The following MDGA2 variants were observed in gnomAD, a reference collection of about 807,000 sequenced individuals.
MDGA2 encodes MAM domain-containing glycosylphosphatidylinositol anchor protein 2.
MDGA2 carries 40 observed loss-of-function variants against 117.8 expected under a neutral mutation model. The observed-to-expected ratio is 0.34, with a 90% CI of 0.26 to 0.44. The LOEUF is 0.44. Among genes scored for constraint, MDGA2 ranks in the 20% least tolerant of loss-of-function variants. MDGA2 has a pLI of 1.00. For missense variants in MDGA2, 1,123 were observed against 1,250.6 expected (o/e 0.90, Z 1.54); for synonymous variants, 452 against 439.0 (o/e 1.03, Z -0.37).
chr14:47,026,227 T>A (rs1888468590), intron 8 of MDGA2, among the ~76,000 whole-genome samples: 1 of 152,150 alleles, frequency 6.6e-6, no homozygotes, highest in South Asian at 2.1e-4. Flanking sequence ...GATTAAACAC[T>A]CTAGTAAATG....
intron 1 of MDGA2, among the ~76,000 whole-genome samples, chr14:47,426,209 T>A (rs1713454860): frequency 6.6e-6 from 1 of 152,142 alleles, no homozygotes; most frequent in Non-Finnish European, 1.5e-5. Context: ...TGCCCACTAA[T>A]TCTGCCTCCT....
intron 1 of MDGA2, among the ~76,000 whole-genome samples, chr14:47,438,898 G>A (rs1892948221): frequency 6.6e-6 from 1 of 152,092 alleles, no homozygotes; most frequent in Non-Finnish European, 1.5e-5. Flanking sequence ...ACTGCCTTAG[G>A]AACAAGCATA....
intron 1 of MDGA2, among the ~76,000 whole-genome samples, chr14:47,416,117 A>G (rs1892470404): frequency 6.6e-6 from 1 of 152,174 alleles, no homozygotes; most frequent in Admixed American, 6.6e-5. Context: ...GTCAACTCAC[A>G]AACCTAAGTT....
chr14:47,494,830 T>G (rs1894245776), intron 1 of MDGA2, among the ~76,000 whole-genome samples: 1 of 151,022 alleles, frequency 6.6e-6, no homozygotes, highest in Non-Finnish European at 1.5e-5. Flanking sequence ...CAGTTGGCTG[T>G]AGGTATGAAG....
chr14:47,268,797 T>A (rs1888050437), intron 2 of MDGA2, among the ~76,000 whole-genome samples: 1 of 152,214 alleles, frequency 6.6e-6, no homozygotes, highest in Admixed American at 6.5e-5. Flanking sequence ...TCTGCATTAA[T>A]GAAGCATGAA....
At chr14:47,368,987 T>C (rs1436428551) in intron 1 of MDGA2, among the ~76,000 whole-genome samples, 1 of 152,130 alleles carries the variant, frequency 6.6e-6, no homozygotes, top group East Asian at 1.9e-4. Context: ...CATAATAATA[T>C]AAAATGCAGA....
chr14:46,969,048 T>C (rs995213814), intron 8 of MDGA2, among the ~76,000 whole-genome samples: 2 of 152,130 alleles, frequency 1.3e-5, no homozygotes, highest in African/African-American at 4.8e-5. Flanking sequence ...TGGTTTCCAG[T>C]TTCATCCATG....
At chr14:46,872,449 C>T (rs2933209) in intron 14 of MDGA2, among the ~76,000 whole-genome samples, 151,806 of 152,028 alleles carry the variant, frequency 1, 75,792 homozygotes, top group Middle Eastern at 1. Context: ...ACTCATTCCT[C>T]AACTAGATAA....
At chr14:47,327,817 G>T (rs568243078) in intron 1 of MDGA2, among the ~76,000 whole-genome samples, 1 of 152,154 alleles carries the variant, frequency 6.6e-6, no homozygotes, top group East Asian at 1.9e-4. Context: ...TAGGATACTT[G>T]TCTCATCATC....
At chr14:47,051,908 C>T (rs1889471949) in intron 7 of MDGA2, among the ~76,000 whole-genome samples, 2 of 151,852 alleles carry the variant, frequency 1.3e-5, no homozygotes, top group African/African-American at 4.8e-5. Context: ...AGTGAACATA[C>T]CATTTCCTAT....
chr14:46,846,690 T>A (rs1428857619), intron 15 of MDGA2, among the ~76,000 whole-genome samples: 1 of 152,182 alleles, frequency 6.6e-6, no homozygotes, highest in Admixed American at 6.5e-5. Flanking sequence ...ATTTTCTTTA[T>A]GGCTCCCAAA....
rs34478677 is a variant in MDGA2 at position 46,931,525 on chromosome 14, C to CTTTTT, written c.2090-11370_2090-11366dup. 1.3e-4 allele frequency among the ~76,000 whole-genome samples: 17 copies of CTTTTT among 128,912 alleles called. 1 individual carries two copies. The highest frequency in any genetic ancestry group is 2.2e-4 in the Non-Finnish European group (14 of 62,702). 84.6% of individuals were successfully genotyped at this position (128,912 alleles called of 152,430 possible). A position where few individuals can be genotyped will look rare whatever the true frequency, so the allele number is the denominator to read the frequency against. On this transcript the variant is annotated intron_variant, in intron 9 of 16. Transcript: ENST00000399232. ...TCCAATTGCTTTTAGTTTATTTTTG[C>CTTTTT]TTTTTTTTTTTTTTTGAGATGGAGT...
chr14:46,933,545 C>T (rs1354383880), intron 9 of MDGA2, among the ~76,000 whole-genome samples: 1 of 151,344 alleles, frequency 6.6e-6, no homozygotes, highest in African/African-American at 2.4e-5. Context: ...CTACACTTCC[C>T]TTGCCACCCC....
At chr14:47,442,425 G>C (rs140576586) in intron 1 of MDGA2, among the ~76,000 whole-genome samples, 18 of 152,204 alleles carry the variant, frequency 1.2e-4, no homozygotes, top group South Asian at 2.1e-4. Context: ...CAGCACAGGA[G>C]TCAGGGATGC....
intron 2 of MDGA2, among the ~76,000 whole-genome samples, chr14:47,261,041 A>T (rs1271015583): frequency 3.3e-5 from 5 of 152,216 alleles, no homozygotes; most frequent in Admixed American, 3.3e-4. Context: ...GCAAAAGCAA[A>T]TTACCTCAAT....
At chr14:47,654,410 C>T (rs1278735006) in intron 1 of MDGA2, among the ~76,000 whole-genome samples, 1 of 151,986 alleles carries the variant, frequency 6.6e-6, no homozygotes, top group Non-Finnish European at 1.5e-5. Flanking sequence ...TAAGTCCCAC[C>T]CAGGATTTTC....
At chr14:47,588,551 TC>T (rs1185739476) in intron 1 of MDGA2, among the ~76,000 whole-genome samples, 1 of 151,792 alleles carries the variant, frequency 6.6e-6, no homozygotes, top group Admixed American at 6.6e-5. Context: ...ATAGTCAAAT[TC>T]TTTGGCCATT....
rs573352074 is a variant in MDGA2 at position 46,924,222 on chromosome 14, T to C, written c.2090-4062A>G. ...ATTTGTTTTTGAAAATTTTTATAGATTTATATAGAAATACTGGTATTTCAT... is the reference window on the plus strand; with the variant it reads ...ATTTGTTTTTGAAAATTTTTATAGACTTATATAGAAATACTGGTATTTCAT... On this transcript the variant is annotated intron_variant, in intron 9 of 16. Coordinates refer to ENST00000399232, the MANE Select transcript of MDGA2 (RefSeq NM_001113498.3). Among the ~76,000 whole-genome samples, 15 of 152,106 alleles carry C rather than the reference T, an allele frequency of 9.9e-5. 1 individual carries two copies. In the South Asian group the frequency reaches 3.1e-3, roughly 32 times the overall value.
intron 3 of MDGA2, among the ~76,000 whole-genome samples, chr14:47,147,548 C>T (rs780848015): frequency 4.0e-4 from 61 of 152,178 alleles, no homozygotes; most frequent in Non-Finnish European, 3.8e-4. Context: ...TGCTACTCCT[C>T]GCTAGGAGAC....
Sources: allele counts gnomAD v4.1 joint callset (sites outside exome capture counted in the v4.1 genomes callset), GRCh38; gene constraint gnomAD v4.1.1; transcripts MANE v1.5; gene names NCBI Gene and HGNC (gene_info 2026-07-23, HGNC 2026-07-21).